The following PRMT8 variants were observed in gnomAD, a reference collection of about 807,000 sequenced individuals.
PRMT8 encodes protein arginine methyltransferase 8, also known as protein arginine N-methyltransferase 8.
Under a neutral mutation model 47.1 loss-of-function variants are expected in PRMT8, and 7 were observed. That is an observed-to-expected ratio of 0.15 (90% CI 0.08 to 0.28). The LOEUF (loss-of-function observed/expected upper bound fraction) is 0.28. Ranked by LOEUF, PRMT8 falls within the 10% of genes least tolerant of loss-of-function variation. The pLI is 1.00. For synonymous variants in PRMT8, 188 were observed against 186.5 expected (o/e 1.01, Z -0.07); for missense variants, 237 against 505.4 (o/e 0.47, Z 5.09).
chr12:3,535,015 C>A lies in PRMT8; in HGVS notation c.76-5591C>A, dbSNP rs1466444371. Among the ~76,000 whole-genome samples the A allele has an allele frequency of 6.6e-6, 1 of 152,258 alleles. No individual in the cohort carries two copies. Among genetic ancestry groups the A allele is most frequent in the Non-Finnish European group, 1.5e-5 (1 of 68,040 alleles). On this transcript the variant is annotated intron_variant, in intron 1 of 9. Transcript: ENST00000382622. The surrounding 1 kb of genome is among the most constrained non-coding windows in gnomAD (Gnocchi z 4.7). ...AGTGCTTGGCGCAGCGCCTGGGGCG[C>A]AGTGGGCCCTTAGTCAATGTTAGGT...
At chr12:3,397,944 G>C (rs372961851) in intron 1 of PRMT8, among the ~76,000 whole-genome samples, 1 of 152,210 alleles carries the variant, frequency 6.6e-6, no homozygotes, top group Non-Finnish European at 1.5e-5. Flanking sequence ...TCGGAAAAGC[G>C]CAGTATTCGG....
At chr12:3,443,628 C>T (rs1242454552) in intron 1 of PRMT8, among the ~76,000 whole-genome samples, 1 of 152,192 alleles carries the variant, frequency 6.6e-6, no homozygotes, top group Non-Finnish European at 1.5e-5. Context: ...TGCTCTCTCC[C>T]CCTTCAGATG....
intron 1 of PRMT8, among the ~76,000 whole-genome samples, chr12:3,392,616 G>C (rs1290071227): frequency 1.3e-5 from 2 of 151,200 alleles, no homozygotes; most frequent in Admixed American, 6.6e-5. Context: ...TATCATTGTT[G>C]GACATTTGGG....
At chr12:3,427,981 C>T (rs118054967) in intron 1 of PRMT8, among the ~76,000 whole-genome samples, 2,343 of 152,236 alleles carry the variant, frequency 0.015, 36 homozygotes, top group Non-Finnish European at 0.018. Context: ...TTGTTGAAAA[C>T]TTTGTAAGTT....
At chr12:3,397,289 G>T (rs1443506746) in intron 1 of PRMT8, among the ~76,000 whole-genome samples, 3 of 151,888 alleles carry the variant, frequency 2.0e-5, no homozygotes, top group East Asian at 3.9e-4. Context: ...GAGGTGCTCT[G>T]CGTTTTAGAG....
At chr12:3,558,219 T>C (rs1174263839) in intron 4 of PRMT8, among the ~76,000 whole-genome samples, 1 of 150,466 alleles carries the variant, frequency 6.6e-6, no homozygotes, top group Non-Finnish European at 1.5e-5. Context: ...TCTCACACCA[T>C]AGGGCTCTCC....
intron 1 of PRMT8, among the ~76,000 whole-genome samples, chr12:3,414,161 G>A (rs1864461438): frequency 6.6e-6 from 1 of 152,170 alleles, no homozygotes; most frequent in African/African-American, 2.4e-5. Flanking sequence ...TGCTAATTTT[G>A]TAAAAGATGA....
intron 1 of PRMT8, among the ~76,000 whole-genome samples, chr12:3,393,192 T>C (rs1864212976): frequency 6.6e-6 from 1 of 152,240 alleles, no homozygotes; most frequent in Admixed American, 6.5e-5. Flanking sequence ...TAGTTTATTT[T>C]GCTGTGCAGA....
At chr12:3,579,869 G>A (rs1031375656) in intron 7 of PRMT8, among the ~76,000 whole-genome samples, 1 of 152,164 alleles carries the variant, frequency 6.6e-6, no homozygotes, top group African/African-American at 2.4e-5. Flanking sequence ...ATTTATGCTG[G>A]TGAAGCCCTC....
At chr12:3,558,961 C>CCTGTCTATCTATCTATCTATCTATCTAT (rs1866580158) in intron 4 of PRMT8, among the ~76,000 whole-genome samples, 1 of 149,990 alleles carries the variant, frequency 6.7e-6, no homozygotes, top group African/African-American at 2.5e-5. Flanking sequence ...TATCTATCTA[C>CCTGTCTATCTATCTATCTATCTATCTAT]CTATCTATCT....
At chr12:3,442,138 A>G (rs371054208) in intron 1 of PRMT8, among the ~76,000 whole-genome samples, 7 of 152,346 alleles carry the variant, frequency 4.6e-5, no homozygotes, top group African/African-American at 1.7e-4. Flanking sequence ...TGGGCAACTC[A>G]GCATCAAGCT....
At chr12:3,530,252 G>A (rs922716879) in intron 1 of PRMT8, among the ~76,000 whole-genome samples, 4 of 152,058 alleles carry the variant, frequency 2.6e-5, no homozygotes, top group African/African-American at 9.7e-5. Flanking sequence ...TCCTTCACTC[G>A]ACTATAATAA....
intron 1 of PRMT8, among the ~76,000 whole-genome samples, chr12:3,539,269 G>A (rs559455847): frequency 1.2e-4 from 19 of 152,162 alleles, no homozygotes; most frequent in Non-Finnish European, 2.5e-4. Flanking sequence ...GTTTTATTAT[G>A]ATTTGTGTTC....
At chr12:3,532,481 G>A (rs926582402) in intron 1 of PRMT8, among the ~76,000 whole-genome samples, 7 of 149,852 alleles carry the variant, frequency 4.7e-5, no homozygotes, top group African/African-American at 9.8e-5. Flanking sequence ...GCATGGTGGC[G>A]GGTGCCTGTA....
chr12:3,540,628 C>T lies in PRMT8; in HGVS notation c.98C>T (p.Pro33Leu), dbSNP rs202113481. ...CAGGTGAACAGCCCCCCCTCCCAGC[C>T]CCCCCAGCCCGTCGTCCCTGCTAAG... ...STEVNSPPSQ[P>L]PQPVVPAKPV... Residue 33 changes from proline to leucine, a missense_variant, in exon 2 of 10, where the codon CCC becomes CTC. By Grantham distance (98) the Pro-to-Leu change is moderately conservative. Around this residue, in one of 5 missense-constraint regions of PRMT8, gnomAD observed 43 missense variants for 32.4 expected, o/e 1.33. Coordinates refer to ENST00000382622, the MANE Select transcript of PRMT8 (RefSeq NM_019854.5). The T allele has an allele frequency of 1.5e-4, 225 of 1,486,016 alleles. 3 individuals carry two copies. Among genetic ancestry groups the T allele is most frequent in the Admixed American group, 1.2e-3 (67 of 56,442 alleles). The allele number at this position is 1,486,016 out of a possible 1,614,324, so 92.1% of individuals were successfully genotyped here.
chr12:3,414,868 C>A (rs573442295), intron 1 of PRMT8, among the ~76,000 whole-genome samples: 1 of 151,980 alleles, frequency 6.6e-6, no homozygotes, highest in Non-Finnish European at 1.5e-5. Flanking sequence ...ACTGCTCAGT[C>A]GCTTGTGTTG....
chr12:3,526,493 G>C (rs926535975), intron 1 of PRMT8, among the ~76,000 whole-genome samples: 2 of 152,174 alleles, frequency 1.3e-5, no homozygotes, highest in Admixed American at 1.3e-4. Flanking sequence ...GTGCACAAGA[G>C]TTCCAATTTT....
intron 1 of PRMT8, chr12:3,468,838 T>G (rs573577156): frequency 1.6e-4 from 24 of 153,818 alleles, no homozygotes; most frequent in African/African-American, 5.8e-4. Flanking sequence ...CTGAAAGTTT[T>G]GCACAAGCTC....
At chr12:3,396,092 G>A (rs1279587481) in intron 1 of PRMT8, among the ~76,000 whole-genome samples, 1 of 151,814 alleles carries the variant, frequency 6.6e-6, no homozygotes, top group Non-Finnish European at 1.5e-5. Flanking sequence ...CTTTTATTTT[G>A]AGCCTATGTG....
Sources: allele counts gnomAD v4.1 joint callset (sites outside exome capture counted in the v4.1 genomes callset), GRCh38; gene constraint gnomAD v4.1.1; regional missense constraint gnomAD v4.1.1; non-coding constraint Gnocchi (gnomAD v3.1); transcripts MANE v1.5; gene names NCBI Gene and HGNC (gene_info 2026-07-23, HGNC 2026-07-21).